APCDD1L: variants seen among roughly 807,000 people sequenced by gnomAD.
APCDD1L encodes APC down-regulated 1 like, also known as protein APCDD1-like.
APCDD1L carries 21 observed loss-of-function variants against 24.2 expected under a neutral mutation model. The ratio of observed to expected loss-of-function variants is 0.87; its 90% CI spans 0.61 to 1.25. The LOEUF is 1.25. APCDD1L is among the 50% of genes most tolerant of loss of function. APCDD1L has a pLI of 0.00. For missense variants in APCDD1L, 704 were observed against 711.7 expected (o/e 0.99, Z 0.12); for synonymous variants, 321 against 323.6 (o/e 0.99, Z 0.09).
At chr20:58,503,153 T>C (rs142739564) in intron 1 of APCDD1L, among the ~76,000 whole-genome samples, 1 of 152,328 alleles carries the variant, frequency 6.6e-6, no homozygotes, top group Non-Finnish European at 1.5e-5. Flanking sequence ...CACGCAATCA[T>C]GTAGGTTATG....
rs571177865 is a variant in APCDD1L at position 58,467,514 on chromosome 20, G to A, written c.333C>T (p.Arg111=). ...AHSLLVKGKV[R]LRRASWVTRG... is the part of the protein sequence containing the mutation. ...GGGTGACCCAGGAGGCCCGGCGCAG[G>A]CGGACTTTGCCCTTGACGAGCAGCG... is the stretch of plus-strand genomic sequence containing the variant. Residue 111 remains arginine, a synonymous_variant, in exon 3 of 4, where the codon CGC becomes CGT. Coordinates refer to ENST00000371149, the MANE Select transcript of APCDD1L (RefSeq NM_153360.3). The surrounding 1 kb of genome is among the most constrained non-coding windows in gnomAD (Gnocchi z 5.9). The A allele has an allele frequency of 3.6e-5, 57 of 1,599,678 alleles. No individual in the cohort carries two copies. The South Asian group carries it at 6.2e-4, about 17-fold the overall frequency.
intron 1 of APCDD1L, among the ~76,000 whole-genome samples, chr20:58,495,009 G>A (rs1423878658): frequency 2.0e-5 from 3 of 152,180 alleles, no homozygotes; most frequent in African/African-American, 7.2e-5. Flanking sequence ...CCTGGAGCCT[G>A]CTGCCCCCTG....
At chr20:58,464,102 G>A (rs117021666) in intron 3 of APCDD1L, among the ~76,000 whole-genome samples, 1 of 152,124 alleles carries the variant, frequency 6.6e-6, no homozygotes, top group African/African-American at 2.4e-5. Flanking sequence ...GTTAGCCGGA[G>A]TGTTGGTGAT....
intron 1 of APCDD1L, 51 bp from the exon 2 acceptor site, chr20:58,470,798 C>A: frequency 6.7e-7 from 1 of 1,490,848 alleles, no homozygotes; most frequent in Non-Finnish European, 8.9e-7. Context: ...CGGGAACACC[C>A]ACCCCATCTG....
rs570647530 is a variant in APCDD1L, at chr20:58,498,880, C to T, written c.49+15779G>A. On this transcript the variant is annotated intron_variant, in intron 1 of 3. Coordinates refer to ENST00000371149, the MANE Select transcript of APCDD1L (RefSeq NM_153360.3). Reference sequence around the variant, plus strand: ...GCTTTTGGCCCCCTGAGGCCATGGGCACCTGCCTCACATCTCTTCCTCCCT... The same window carrying T: ...GCTTTTGGCCCCCTGAGGCCATGGGTACCTGCCTCACATCTCTTCCTCCCT... 4.2e-3 allele frequency among the ~76,000 whole-genome samples: 640 copies of T among 152,370 alleles called. 2 individuals are homozygous for T. Among genetic ancestry groups the T allele is most frequent in the Non-Finnish European group, 5.9e-3 (398 of 68,024 alleles).
At chr20:58,500,424 C>T (rs564082075) in intron 1 of APCDD1L, among the ~76,000 whole-genome samples, 14 of 152,252 alleles carry the variant, frequency 9.2e-5, no homozygotes, top group South Asian at 4.2e-4. Context: ...GGGTCATATC[C>T]GGCCCCGCTC....
intron 1 of APCDD1L, among the ~76,000 whole-genome samples, chr20:58,486,917 AG>A (rs1271957376): frequency 8.4e-6 from 1 of 119,486 alleles, no homozygotes. Context: ...GCTGGAGTGC[AG>A]TGGCACAATC....
chr20:58,500,980 C>T (rs1990425242), intron 1 of APCDD1L, among the ~76,000 whole-genome samples: 1 of 152,202 alleles, frequency 6.6e-6, no homozygotes, highest in Non-Finnish European at 1.5e-5. Context: ...AGGGTTAGCA[C>T]TCTGCCAGGT....
chr20:58,486,854 G>GTTTTTTTTTTTTTTT lies in APCDD1L; in HGVS notation c.50-16122_50-16108dup, dbSNP rs747539318. 3.0e-4 allele frequency among the ~76,000 whole-genome samples: 24 copies of GTTTTTTTTTTTTTTT among 80,438 alleles called. 1 individual carries two copies. Among genetic ancestry groups the GTTTTTTTTTTTTTTT allele is most frequent in the East Asian group, 8.9e-4 (2 of 2,236 alleles). 52.8% of individuals were successfully genotyped at this position (80,438 alleles called of 152,430 possible). A position where few individuals can be genotyped will look rare whatever the true frequency, so the allele number is the denominator to read the frequency against. On this transcript the variant is annotated intron_variant, in intron 1 of 3. Transcript: ENST00000371149. ...AGAAGGAAAATTTACTGGAGGGAAG[G>GTTTTTTTTTTTTTTT]TTTTTTTTTTTTTTTTTTTTTTTTT...
chr20:58,494,595 T>A lies in APCDD1L; in HGVS notation c.49+20064A>T, dbSNP rs977826432. ...GCTCAGTGATCCTCTTGCCTCGGCC[T>A]CCCAAAGCGTTGGGATTATAGGTGT... On this transcript the variant is annotated intron_variant, in intron 1 of 3. Transcript: ENST00000371149. The surrounding 1 kb of genome is among the most constrained non-coding windows in gnomAD (Gnocchi z 4.8). Among the ~76,000 whole-genome samples the A allele has an allele frequency of 2.6e-5, 4 of 152,122 alleles. No individual in the cohort carries two copies. The highest frequency in any genetic ancestry group is 5.9e-5 in the Non-Finnish European group (4 of 68,018).
chr20:58,468,259 G>A (rs1254526861), intron 2 of APCDD1L, among the ~76,000 whole-genome samples: 1 of 152,200 alleles, frequency 6.6e-6, no homozygotes, highest in African/African-American at 2.4e-5. Flanking sequence ...TGCAGCTATA[G>A]ATGATACGTG....
intron 1 of APCDD1L, among the ~76,000 whole-genome samples, chr20:58,502,702 G>A (rs934082667): frequency 6.8e-6 from 1 of 148,108 alleles, no homozygotes; most frequent in Non-Finnish European, 1.5e-5. Flanking sequence ...AGAGAAAGAA[G>A]TTTGTCTTTG....
intron 1 of APCDD1L, among the ~76,000 whole-genome samples, chr20:58,504,167 C>A (rs1194760134): frequency 1.3e-5 from 2 of 152,180 alleles, no homozygotes; most frequent in Non-Finnish European, 2.9e-5. Context: ...GGAGAGGAGA[C>A]AGCAGATTGC....
rs545680285 is a variant in APCDD1L at position 58,467,742 on chromosome 20, T to TC, written c.189-85dup. The TC allele has an allele frequency of 1.0e-3, 1,307 of 1,298,282 alleles. 4 individuals are homozygous for TC. In the African/African-American group the frequency reaches 0.01, roughly 10 times the overall value. The allele number at this position is 1,298,282 out of a possible 1,614,324, so 80.4% of individuals were successfully genotyped here. ...CTCCCCTCTGGGCTGGGCTCCTTTC[T>TC]CCCCCCCAGCCCTCCTCTTAGTCCT... On this transcript the variant is annotated intron_variant, in intron 2 of 3. Transcript: ENST00000371149. This position sits in a 1 kb window ranked among gnomAD's most constrained non-coding sequence, Gnocchi z 5.9.
In APCDD1L at chr20:58,460,632, T is replaced by C; in HGVS notation, c.*158A>G. The C allele has an allele frequency of 1.0e-6, 1 of 1,001,952 alleles. No homozygotes were observed. Among genetic ancestry groups the C allele is most frequent in the Non-Finnish European group, 1.4e-6 (1 of 728,836 alleles). The allele number at this position is 1,001,952 out of a possible 1,614,324, so 62.1% of individuals were successfully genotyped here. Reference sequence around the variant, plus strand: ...CTTTGCAGGGGTTAAGCTCATGTCCTGAGCCACATGGGACACAGGCAGAGT... The same window carrying C: ...CTTTGCAGGGGTTAAGCTCATGTCCCGAGCCACATGGGACACAGGCAGAGT... On this transcript the variant is annotated 3_prime_UTR_variant, in exon 4 of 4. Coordinates refer to ENST00000371149, the MANE Select transcript of APCDD1L (RefSeq NM_153360.3). The surrounding 1 kb of genome is among the most constrained non-coding windows in gnomAD (Gnocchi z 4.2).
In APCDD1L at chr20:58,467,084, A is replaced by G. The variant is rs1989719492; in HGVS notation, c.741+22T>C. The G allele has an allele frequency of 6.4e-7, 1 of 1,563,966 alleles. No individual in the cohort carries two copies. Among genetic ancestry groups the G allele is most frequent in the South Asian group, 1.1e-5 (1 of 87,006 alleles). On this transcript the variant is annotated intron_variant, in intron 3 of 3. Transcript: ENST00000371149. This position sits in a 1 kb window ranked among gnomAD's most constrained non-coding sequence, Gnocchi z 5.9. ...CCCGAGACCACCACCCCCCTCTCCC[A>G]CACCCCAACACACACACTCACCAGT...
At chr20:58,514,580 C>A in intron 1 of APCDD1L, 79 bp downstream of exon 1, 1 of 1,243,816 alleles carries the variant, frequency 8.0e-7, no homozygotes, top group Non-Finnish European at 1.0e-6. Context: ...TCCCCAAGGG[C>A]CCTTAGGGGA....
chr20:58,481,853 C>A (rs1392279027), intron 1 of APCDD1L, among the ~76,000 whole-genome samples: 2 of 152,190 alleles, frequency 1.3e-5, no homozygotes, highest in Non-Finnish European at 1.5e-5. Context: ...CGTGGGAGAT[C>A]TTCCTTTCCA....
At chr20:58,489,220 AC>A (rs1990177655) in intron 1 of APCDD1L, among the ~76,000 whole-genome samples, 1 of 152,066 alleles carries the variant, frequency 6.6e-6, no homozygotes, top group Non-Finnish European at 1.5e-5. Flanking sequence ...CAACAAACAA[AC>A]CAACCAAAAC....
Sources: gnomAD v4.1 joint callset for allele counts (sites outside exome capture counted in the v4.1 genomes callset) on GRCh38, gnomAD v4.1.1 for gene constraint, Gnocchi (gnomAD v3.1) non-coding constraint, MANE v1.5 for transcripts, NCBI Gene and HGNC (gene_info 2026-07-23, HGNC 2026-07-21) for gene names.